SH3GL3: variants seen among roughly 807,000 people sequenced by gnomAD.
SH3GL3 encodes the protein SH3 domain containing GRB2 like 3, endophilin A3.
Under a neutral mutation model 47.7 loss-of-function variants are expected in SH3GL3, and 33 were observed. That is an observed-to-expected ratio of 0.69 (90% CI 0.52 to 0.92). The LOEUF (loss-of-function observed/expected upper bound fraction) is 0.92, where lower values mean the gene tolerates loss of function less well. Ranked by LOEUF, SH3GL3 falls within the 40% of genes least tolerant of loss-of-function variation. The probability of loss-of-function intolerance (pLI) is 0.00; values close to 1 mark genes in which losing one functional copy is unlikely to be tolerated. For missense variants in SH3GL3, 363 were observed against 417.8 expected, an observed-to-expected ratio of 0.87 and a Z score of 1.14; for synonymous variants, 155 against 148.8, an observed-to-expected ratio of 1.04 and a Z score of -0.30.
At chr15:83,590,788 CTT>C (rs2060073402) in intron 8 of SH3GL3, among the ~76,000 whole-genome samples, 1 of 152,168 alleles carries the variant, frequency 6.6e-6, no homozygotes, top group Admixed American at 6.5e-5. Flanking sequence ...ACTGTTGAGT[CTT>C]GAGAATGCTT....
At chr15:83,566,826 C>T (rs147761133) in intron 3 of SH3GL3, among the ~76,000 whole-genome samples, 24 of 152,236 alleles carry the variant, frequency 1.6e-4, no homozygotes, top group African/African-American at 5.3e-4. Flanking sequence ...GAGTGGCACT[C>T]ACAGCTGGCA....
Position 83,447,538 on chromosome 15 carries a change from C to T in SH3GL3, c.5C>T (p.Ser2Leu), listed in dbSNP as rs1473168998. Reference sequence around the variant, plus strand: ...CCCCTGCCGGTCGCAGTCGCGATGTCGGTGGCCGGGCTGAAGAAGCAGTTC... The same window carrying T: ...CCCCTGCCGGTCGCAGTCGCGATGTTGGTGGCCGGGCTGAAGAAGCAGTTC... M[S>L]VAGLKKQFHK... is the part of the protein sequence containing the mutation. The change falls in exon 1 of 9, where the codon TCG (serine) becomes TTG (leucine). Residue 2 changes from serine to leucine, a missense_variant. Physicochemically the swap from Ser to Leu is moderately radical, Grantham distance 145. Transcript: ENST00000427482. This position sits in a 1 kb window ranked among gnomAD's most constrained non-coding sequence, Gnocchi z 5.1. The T allele has an allele frequency of 6.6e-7, 1 of 1,504,782 alleles. No homozygotes were observed. Among genetic ancestry groups the T allele is most frequent in the African/African-American group, 1.4e-5 (1 of 69,160 alleles). 93.2% of individuals were successfully genotyped at this position (1,504,782 alleles called of 1,614,324 possible). A position where few individuals can be genotyped will look rare whatever the true frequency, so the allele number is the denominator to read the frequency against.
rs200823232 is a variant in SH3GL3, at chr15:83,568,633, C to A, written c.292C>A (p.Leu98Met). 43 of 1,613,784 alleles carry A rather than the reference C, an allele frequency of 2.7e-5. No individual in the cohort carries two copies. The highest frequency in any genetic ancestry group is 3.6e-5 in the Non-Finnish European group (43 of 1,179,708). ...GGAAGGCTTGCTGGGGGACTGTATG[C>A]TGAAATACGGGAAGGAGCTCGGGGA... is the stretch of plus-strand genomic sequence containing the variant. ...QTEGLLGDCMLKYGKELGEDS... is the reference protein window; with the variant it reads ...QTEGLLGDCMMKYGKELGEDS... Residue 98 changes from leucine to methionine, a missense_variant, in exon 4 of 9, where the codon CTG (leucine) becomes ATG (methionine). Physicochemically the swap from Leu to Met is conservative, Grantham distance 15. Coordinates refer to ENST00000427482, the MANE Select transcript of SH3GL3 (RefSeq NM_003027.5).
chr15:83,448,138 C>A lies in SH3GL3; in HGVS notation c.45+560C>A, dbSNP rs1290996553. 6.6e-6 allele frequency among the ~76,000 whole-genome samples: 1 copy of A among 152,194 alleles called. No homozygotes were observed. The highest frequency in any genetic ancestry group is 1.5e-5 in the Non-Finnish European group (1 of 68,038). ...GCTGGGGCTCTCTACCGCGGTCCTTCCCCTCCCCACCGTCTTCCCGGTGTC... is the reference window on the plus strand; with the variant it reads ...GCTGGGGCTCTCTACCGCGGTCCTTACCCTCCCCACCGTCTTCCCGGTGTC... On this transcript the variant is annotated intron_variant, in intron 1 of 8. Coordinates refer to ENST00000427482, the MANE Select transcript of SH3GL3 (RefSeq NM_003027.5). The surrounding 1 kb of genome is among the most constrained non-coding windows in gnomAD (Gnocchi z 4.2).
At chr15:83,520,963 G>A (rs2043178266) in intron 1 of SH3GL3, among the ~76,000 whole-genome samples, 1 of 152,064 alleles carries the variant, frequency 6.6e-6, no homozygotes, top group South Asian at 2.1e-4. Context: ...AAAAAGGCCC[G>A]TATTTCTCTT....
chr15:83,526,050 C>T (rs1039807195), intron 1 of SH3GL3, among the ~76,000 whole-genome samples: 1 of 152,008 alleles, frequency 6.6e-6, no homozygotes, highest in African/African-American at 2.4e-5. Context: ...GTTTCTATTT[C>T]TATAAAAAAT....
chr15:83,552,420 T>G (rs949215310), intron 1 of SH3GL3, among the ~76,000 whole-genome samples: 3 of 152,200 alleles, frequency 2.0e-5, no homozygotes, highest in African/African-American at 7.2e-5. Flanking sequence ...AGGACAGAAT[T>G]TTAAAATTTT....
At chr15:83,628,700 G>A in the SH3GL3 span, among the ~76,000 whole-genome samples, 5 of 152,078 alleles carry the variant, frequency 3.3e-5, no homozygotes, top group Non-Finnish European at 7.4e-5. Context: ...CTGAGATCAC[G>A]CCATTCACTG....
intron 1 of SH3GL3, among the ~76,000 whole-genome samples, chr15:83,513,311 AG>A (rs1567289949): frequency 6.6e-6 from 1 of 152,212 alleles, no homozygotes; most frequent in Non-Finnish European, 1.5e-5. Context: ...GTTCAACTGT[AG>A]CTACAGAATA....
intron 1 of SH3GL3, among the ~76,000 whole-genome samples, chr15:83,457,182 CCTT>C (rs2151497255): frequency 6.6e-6 from 1 of 152,294 alleles, no homozygotes; most frequent in Non-Finnish European, 1.5e-5. Context: ...CATTTCTGGA[CCTT>C]CTTGTCTTCC....
At chr15:83,490,723 C>A in intron 1 of SH3GL3, 1 of 1,547,912 alleles carries the variant, frequency 6.5e-7, no homozygotes, top group East Asian at 2.3e-5. Flanking sequence ...CAATATCATC[C>A]TTTGGAATTT....
chr15:83,497,517 T>A (rs2151597368), intron 1 of SH3GL3, among the ~76,000 whole-genome samples: 1 of 152,292 alleles, frequency 6.6e-6, no homozygotes, highest in Non-Finnish European at 1.5e-5. Context: ...TTGTCTCTTA[T>A]CTTTATTCCC....
At chr15:83,499,987 A>G (rs917485717) in intron 1 of SH3GL3, among the ~76,000 whole-genome samples, 8 of 152,180 alleles carry the variant, frequency 5.3e-5, no homozygotes, top group South Asian at 4.1e-4. Context: ...GACACATGAC[A>G]CTGGAGAAGA....
intron 1 of SH3GL3, among the ~76,000 whole-genome samples, chr15:83,471,828 C>G (rs1041088480): frequency 2.0e-5 from 3 of 151,724 alleles, no homozygotes; most frequent in Non-Finnish European, 2.9e-5. Context: ...GATATTTTTT[C>G]TTTGTCTTTA....
At chr15:83,482,970 A>G (rs1053736362) in intron 1 of SH3GL3, among the ~76,000 whole-genome samples, 3 of 152,210 alleles carry the variant, frequency 2.0e-5, no homozygotes, top group Non-Finnish European at 2.9e-5. Flanking sequence ...AATGCCATCA[A>G]GAATCCAACC....
intron 1 of SH3GL3, among the ~76,000 whole-genome samples, chr15:83,551,805 AT>A (rs1000497096): frequency 1.1e-4 from 17 of 152,290 alleles, no homozygotes; most frequent in African/African-American, 4.1e-4. Flanking sequence ...ATATAGCTGG[AT>A]TTTTTAAAAT....
chr15:83,501,766 C>T (rs1177486825), intron 1 of SH3GL3, among the ~76,000 whole-genome samples: 1 of 152,052 alleles, frequency 6.6e-6, no homozygotes, highest in African/African-American at 2.4e-5. Context: ...GAGGCCCACA[C>T]CTGTAATCCC....
At chr15:83,566,754 C>A (rs969327180) in intron 3 of SH3GL3, among the ~76,000 whole-genome samples, 4 of 152,042 alleles carry the variant, frequency 2.6e-5, no homozygotes, top group Admixed American at 2.6e-4. Flanking sequence ...ACAGCCTGGG[C>A]AACAGTTGTT....
chr15:83,617,483 A>C (rs1047880043), intron 8 of SH3GL3, among the ~76,000 whole-genome samples: 14 of 152,186 alleles, frequency 9.2e-5, no homozygotes, highest in African/African-American at 3.4e-4. Flanking sequence ...TCGAGACCAG[A>C]CTGGCCAATA....
Sources: gnomAD v4.1 joint callset for allele counts (sites outside exome capture counted in the v4.1 genomes callset) on GRCh38, gnomAD v4.1.1 for gene constraint, Gnocchi (gnomAD v3.1) non-coding constraint, MANE v1.5 for transcripts, NCBI Gene and HGNC (gene_info 2026-07-23, HGNC 2026-07-21) for gene names.